Variants in BOP1 observed in about 807,000 individuals in gnomAD.
BOP1 encodes BOP1 ribosomal biogenesis factor.
A neutral mutation model predicts 82.9 loss-of-function variants in BOP1; 54 were observed. That is an observed-to-expected ratio of 0.65 (90% CI 0.52 to 0.82). The LOEUF (loss-of-function observed/expected upper bound fraction) is 0.82, where lower values mean the gene tolerates loss of function less well. Ranked by LOEUF, BOP1 falls within the 40% of genes least tolerant of loss-of-function variation. The pLI is 0.00. For synonymous variants in BOP1, 566 were observed against 451.1 expected (o/e 1.25, Z -3.23); for missense variants, 1,170 against 1,072.0 (o/e 1.09, Z -1.28).
At chr8:144,287,793 G>T (rs1814923465) in intron 2 of BOP1, among the ~76,000 whole-genome samples, 2 of 152,160 alleles carry the variant, frequency 1.3e-5, no homozygotes, top group Non-Finnish European at 2.9e-5. Flanking sequence ...CCTGAATTAA[G>T]TGTGATTTTA....
At chr8:144,273,645 G>C (rs1013910671) in intron 3 of BOP1, among the ~76,000 whole-genome samples, 14 of 152,226 alleles carry the variant, frequency 9.2e-5, no homozygotes, top group African/African-American at 3.4e-4. Flanking sequence ...AAGGCCGAGA[G>C]CCCCCTTGCC....
chr8:144,263,433 C>T, intron 11 of BOP1, 32 bp from the exon 12 acceptor site: 1 of 1,597,856 alleles, frequency 6.3e-7, no homozygotes, highest in South Asian at 1.1e-5. Context: ...GGCCCCTAAG[C>T]ACAGTGCCAC....
Position 144,262,877 on chromosome 8 carries a change from A to G in BOP1, c.1870T>C (p.Ser624Pro). 1 of 1,347,646 alleles carries G rather than the reference A, an allele frequency of 7.4e-7. No homozygotes were observed. The highest frequency in any genetic ancestry group is 9.7e-7 in the Non-Finnish European group (1 of 1,030,536). The allele number at this position is 1,347,646 out of a possible 1,614,324, so 83.5% of individuals were successfully genotyped here. The stretch of plus-strand genomic sequence containing the variant: ...CCTGCAGGGTGCACCGCCAGGCTGG[A>G]CACCCACTTGCAGTTGGGCATCAGC... ...KKLMPNCKWV[S>P]SLAVHPAGDN... The change falls in exon 13 of 16, where the codon TCC becomes CCC. Residue 624 changes from serine (S) to proline (P), a missense_variant. Physicochemically the swap from Ser to Pro is moderately conservative, Grantham distance 74. Coordinates refer to ENST00000569669, the MANE Select transcript of BOP1 (RefSeq NM_015201.5).
At chr8:144,273,616 C>T (rs941679565) in intron 3 of BOP1, among the ~76,000 whole-genome samples, 21 of 152,378 alleles carry the variant, frequency 1.4e-4, no homozygotes, top group Non-Finnish European at 2.1e-4. Context: ...CAAATCAAAG[C>T]GGAGGGGCTG....
At chr8:144,279,848 C>T (rs904106628) in intron 2 of BOP1, among the ~76,000 whole-genome samples, 4 of 152,104 alleles carry the variant, frequency 2.6e-5, no homozygotes, top group Non-Finnish European at 4.4e-5. Flanking sequence ...GACAGCTGGA[C>T]AGGGGTACCC....
intron 2 of BOP1, among the ~76,000 whole-genome samples, chr8:144,284,323 G>T (rs1376300276): frequency 1.3e-5 from 2 of 152,112 alleles, no homozygotes; most frequent in African/African-American, 4.8e-5. Flanking sequence ...TTTATCCTTT[G>T]ACCTAGAAAT....
At chr8:144,276,336 G>A in intron 2 of BOP1, 32 bp from the exon 3 acceptor site, 1 of 1,607,182 alleles carries the variant, frequency 6.2e-7, no homozygotes, top group Non-Finnish European at 8.5e-7. Flanking sequence ...GGTCACTTCA[G>A]GGGATACAGG....
rs1845318068 is a variant in BOP1 at position 144,264,789 on chromosome 8, C to G, written c.588G>C (p.Leu196=). 2 of 1,609,010 alleles carry G rather than the reference C, an allele frequency of 1.2e-6. No individual in the cohort carries two copies. Among genetic ancestry groups the G allele is most frequent in the Non-Finnish European group, 8.5e-7 (1 of 1,178,812 alleles). The change falls in exon 5 of 16, where the codon CTG becomes CTC. Residue 196 remains leucine, a synonymous_variant. Transcript: ENST00000569669. ...QDPMTGRDLR[L]TDEQVALVRR... ...GCACCAGGGCCACCTGCTCATCCGTCAGTCTCAGGTCCCGCCCTGTCATCG... is the reference window on the plus strand; with the variant it reads ...GCACCAGGGCCACCTGCTCATCCGTGAGTCTCAGGTCCCGCCCTGTCATCG...
intron 2 of BOP1, among the ~76,000 whole-genome samples, chr8:144,278,630 G>A (rs1845618279): frequency 1.3e-5 from 2 of 152,216 alleles, no homozygotes; most frequent in African/African-American, 2.4e-5. Context: ...GAGGGAAGCA[G>A]TCCTAACTTG....
At position 144,262,313 on chromosome 8, in the gene BOP1, G is replaced by C; in HGVS notation, c.2092C>G (p.Leu698Val). 5.0e-6 allele frequency: 8 copies of C among 1,612,892 alleles called. No homozygotes were observed. Among genetic ancestry groups the C allele is most frequent in the Non-Finnish European group, 5.9e-6 (7 of 1,179,834 alleles). ...GGCACCAGCAAGGGGTTCTGCAGAA[G>C]GTCACTGTGGGGACGAGGAGGGCTC... ...IVCHGMVYND[L>V]LQNPLLVPVK... is the part of the protein sequence containing the mutation. The change falls in exon 16 of 16, where the codon CTT (leucine) becomes GTT (valine). Residue 698 changes from leucine (L) to valine (V), a missense_variant. Physicochemically the swap from Leu to Val is conservative, Grantham distance 32. Coordinates refer to ENST00000569669, the MANE Select transcript of BOP1 (RefSeq NM_015201.5).
intron 3 of BOP1, among the ~76,000 whole-genome samples, chr8:144,273,631 G>A (rs897767866): frequency 5.3e-4 from 80 of 152,358 alleles, no homozygotes; most frequent in African/African-American, 1.8e-3. Flanking sequence ...GGGCTGCTTC[G>A]GCAAAGGCCG....
At chr8:144,286,156 G>T (rs782388457) in intron 2 of BOP1, among the ~76,000 whole-genome samples, 1 of 152,166 alleles carries the variant, frequency 6.6e-6, no homozygotes, top group African/African-American at 2.4e-5. Flanking sequence ...GAACAGGGGG[G>T]AAAAGGGAGG....
In BOP1 at chr8:144,263,302, G is replaced by T; in HGVS notation, c.1524C>A (p.Pro508=). The part of the protein sequence containing the change: ...LLSAFVPPEE[P]PLQPARWLEA... ...CCAGCCAGCGGGCCGGCTGCAAGGG[G>T]GGCTCCTCAGGCGGGACGAAGGCGC... is the stretch of plus-strand genomic sequence containing the variant. The change falls in exon 12 of 16, where the codon CCC becomes CCA. Residue 508 remains proline (P), a synonymous_variant. Coordinates refer to ENST00000569669, the MANE Select transcript of BOP1 (RefSeq NM_015201.5). 2 of 1,594,038 alleles carry T rather than the reference G, an allele frequency of 1.3e-6. No homozygotes were observed. Among genetic ancestry groups the T allele is most frequent in the Non-Finnish European group, 1.7e-6 (2 of 1,178,850 alleles).
At chr8:144,266,705 A>G in intron 3 of BOP1, 1 of 1,220,884 alleles carries the variant, frequency 8.2e-7, no homozygotes, top group Non-Finnish European at 1.0e-6. Flanking sequence ...CGCGGCAGCG[A>G]CAGCTCGGGC....
chr8:144,277,955 C>T (rs1845596551), intron 2 of BOP1, among the ~76,000 whole-genome samples: 1 of 152,206 alleles, frequency 6.6e-6, no homozygotes, highest in African/African-American at 2.4e-5. Flanking sequence ...ACCCTAACGA[C>T]ACAGACAACG....
At chr8:144,286,513 G>A (rs192054679) in intron 2 of BOP1, among the ~76,000 whole-genome samples, 8,398 of 120,566 alleles carry the variant, frequency 0.07, 505 homozygotes, top group Non-Finnish European at 0.098. Flanking sequence ...CAGGACACGC[G>A]GGCAGGTGCA....
chr8:144,263,775 G>GGCA lies in BOP1; in HGVS notation c.1222-17_1222-15dup, dbSNP rs1456785674. 3.5e-5 allele frequency: 56 copies of GGCA among 1,596,710 alleles called. No homozygotes were observed. The highest frequency in any genetic ancestry group is 9.4e-5 in the African/African-American group (7 of 74,622). On this transcript the variant is annotated splice_polypyrimidine_tract_variant and intron_variant, in intron 9 of 15. Transcript: ENST00000569669. ...GCCCCTGTAGACCTGAGGAGGCGGC[G>GGCA]GCAGTGAGGAGTCAGACTGGGAGGG... is the stretch of plus-strand genomic sequence containing the variant.
At position 144,289,284 on chromosome 8, in the gene BOP1, A is replaced by T; in HGVS notation, c.120T>A (p.Ser40=). 1 of 1,613,950 alleles carries T rather than the reference A, an allele frequency of 6.2e-7. No individual in the cohort carries two copies. ...PEPEPPLLCT[S]PLSHSTGSDS... ...CGCTGCCGGTGCTGTGGCTGAGAGG[A>T]GAGGTGCAGAGGAGGGGGGGCTGCA... Residue 40 remains serine (S), a synonymous_variant, in exon 2 of 16, where the codon TCT becomes TCA. Transcript: ENST00000569669.
intron 3 of BOP1, among the ~76,000 whole-genome samples, chr8:144,273,042 G>C (rs1199622313): frequency 6.6e-6 from 1 of 152,146 alleles, no homozygotes; most frequent in Non-Finnish European, 1.5e-5. Context: ...AGATTGGGGC[G>C]GTCTGCAGGC....
Sources: gnomAD v4.1 joint callset for allele counts (sites outside exome capture counted in the v4.1 genomes callset) on GRCh38, gnomAD v4.1.1 for gene constraint, MANE v1.5 for transcripts, NCBI Gene and HGNC (gene_info 2026-07-23, HGNC 2026-07-21) for gene names.